The following KIAA0825 variants were observed in gnomAD, a reference collection of about 807,000 sequenced individuals.
KIAA0825 encodes the protein KIAA0825.
KIAA0825 carries 119 observed loss-of-function variants against 147.6 expected under a neutral mutation model. That is an observed-to-expected ratio of 0.81 (90% CI 0.69 to 0.94). The LOEUF (loss-of-function observed/expected upper bound fraction) is 0.94. Ranked by LOEUF, KIAA0825 falls within the 40% of genes least tolerant of loss-of-function variation. KIAA0825 has a pLI of 0.00. For missense variants in KIAA0825, 1,381 were observed against 1,472.7 expected, an observed-to-expected ratio of 0.94 and a Z score of 1.02; for synonymous variants, 470 against 518.1, an observed-to-expected ratio of 0.91 and a Z score of 1.26.
At chr5:94,263,105 G>A (rs1175931585) in intron 20 of KIAA0825, among the ~76,000 whole-genome samples, 1 of 152,024 alleles carries the variant, frequency 6.6e-6, no homozygotes, top group African/African-American at 2.4e-5. Context: ...GGTTTTGTTA[G>A]GTTCTAGACC....
chr5:94,606,924 G>A (rs1032782568), intron 1 of KIAA0825, among the ~76,000 whole-genome samples: 6 of 152,076 alleles, frequency 3.9e-5, no homozygotes, highest in African/African-American at 1.4e-4. Context: ...GAAACAGGAG[G>A]AGGTACCAGT....
intron 5 of KIAA0825, among the ~76,000 whole-genome samples, chr5:94,486,465 A>G (rs1423125395): frequency 6.6e-6 from 1 of 152,086 alleles, no homozygotes; most frequent in Non-Finnish European, 1.5e-5. Flanking sequence ...AAATGTCATG[A>G]TCTCTTTGCA....
chr5:94,395,917 G>A (rs1750592375), intron 17 of KIAA0825, among the ~76,000 whole-genome samples, 184 bp downstream of exon 17: 1 of 151,632 alleles, frequency 6.6e-6, no homozygotes, highest in Non-Finnish European at 1.5e-5. Flanking sequence ...ATTTTAAGAA[G>A]ACAAGAAATG....
chr5:94,538,824 T>A (rs1440965914), intron 2 of KIAA0825, among the ~76,000 whole-genome samples: 1 of 152,182 alleles, frequency 6.6e-6, no homozygotes, highest in Non-Finnish European at 1.5e-5. Context: ...TATCTATCAG[T>A]GGGTATCTCC....
At chr5:94,157,219 C>A (rs372122384) in intron 20 of KIAA0825, among the ~76,000 whole-genome samples, 1 of 152,042 alleles carries the variant, frequency 6.6e-6, no homozygotes, top group Non-Finnish European at 1.5e-5. Context: ...TGGTAGCCTG[C>A]CCTTTTGTAT....
Position 94,151,424 on chromosome 5 carries a change from A to AG in KIAA0825, c.*2582_*2583insC, listed in dbSNP as rs1766482244. 1.0e-5 allele frequency among the ~76,000 whole-genome samples: 1 copy of AG among 100,442 alleles called. No individual in the cohort carries two copies. Among genetic ancestry groups the AG allele is most frequent in the African/African-American group, 4.3e-5 (1 of 23,020 alleles). 65.9% of individuals were successfully genotyped at this position (100,442 alleles called of 152,430 possible). A position where few individuals can be genotyped will look rare whatever the true frequency, so the allele number is the denominator to read the frequency against. On this transcript the variant is annotated 3_prime_UTR_variant, in exon 21 of 21. Transcript: ENST00000682413. ...GGGCGACAGAGCGAGACTCCGTCTC[A>AG]AAAAAAAAAAAAAAAAAAAAAAAAA...
At chr5:94,328,757 GA>G (rs569872057) in intron 20 of KIAA0825, among the ~76,000 whole-genome samples, 34 of 146,526 alleles carry the variant, frequency 2.3e-4, no homozygotes, top group East Asian at 2.2e-3. Flanking sequence ...ATGAGAGCTA[GA>G]AAAAAAAAAC....
At chr5:94,364,443 A>G (rs1745527304) in intron 20 of KIAA0825, among the ~76,000 whole-genome samples, 1 of 151,684 alleles carries the variant, frequency 6.6e-6, no homozygotes, top group Non-Finnish European at 1.5e-5. Flanking sequence ...GTGCAGTGAC[A>G]CGATCTCGGC....
In KIAA0825 at chr5:94,372,291, C is replaced by G. The variant is rs538020297; in HGVS notation, c.3710+12077G>C. Among the ~76,000 whole-genome samples, 25 of 152,362 alleles carry G rather than the reference C, an allele frequency of 1.6e-4. 1 individual carries two copies. In the East Asian group the frequency reaches 4.4e-3, roughly 27 times the overall value. Reference sequence around the variant, plus strand: ...GGATAGTGGCCCTCTTCTCACAGGTCAGCTAGGCAGTGCCCCAGTGGGGGC... The same window carrying G: ...GGATAGTGGCCCTCTTCTCACAGGTGAGCTAGGCAGTGCCCCAGTGGGGGC... On this transcript the variant is annotated intron_variant, in intron 20 of 20. Coordinates refer to ENST00000682413, the MANE Select transcript of KIAA0825 (RefSeq NM_001145678.3).
At chr5:94,221,813 C>T (rs1773689216) in intron 20 of KIAA0825, among the ~76,000 whole-genome samples, 2 of 152,178 alleles carry the variant, frequency 1.3e-5, no homozygotes, top group Admixed American at 1.3e-4. Context: ...TTATCTCCTT[C>T]CCCAAAGAAC....
intron 5 of KIAA0825, among the ~76,000 whole-genome samples, chr5:94,510,894 T>G (rs1325944015): frequency 6.6e-6 from 1 of 152,142 alleles, no homozygotes; most frequent in Admixed American, 6.5e-5. Flanking sequence ...ACAAAGAATT[T>G]TAATAGTTCT....
intron 14 of KIAA0825, among the ~76,000 whole-genome samples, chr5:94,425,453 A>C (rs1402925612): frequency 6.6e-6 from 1 of 152,130 alleles, no homozygotes; most frequent in Non-Finnish European, 1.5e-5. Context: ...AAAATCTCTC[A>C]ACAGGCCAGG....
chr5:94,457,935 C>T (rs1759323528), intron 12 of KIAA0825, among the ~76,000 whole-genome samples: 1 of 152,114 alleles, frequency 6.6e-6, no homozygotes, highest in Admixed American at 6.6e-5. Flanking sequence ...CTGTGCCTGC[C>T]ATGGTGCCTG....
At chr5:94,165,903 A>C (rs1767989005) in intron 20 of KIAA0825, among the ~76,000 whole-genome samples, 1 of 152,214 alleles carries the variant, frequency 6.6e-6, no homozygotes, top group African/African-American at 2.4e-5. Flanking sequence ...TAATGGGTAC[A>C]AAAACTAGTT....
intron 2 of KIAA0825, among the ~76,000 whole-genome samples, chr5:94,575,484 A>C (rs1780842737): frequency 6.6e-6 from 1 of 152,260 alleles, no homozygotes; most frequent in South Asian, 2.1e-4. Flanking sequence ...GTTCAGGCAC[A>C]AACAAGCTTG....
chr5:94,223,298 G>C lies in KIAA0825; in HGVS notation c.3711-69174C>G, dbSNP rs1031570547. 3.3e-5 allele frequency among the ~76,000 whole-genome samples: 5 copies of C among 152,266 alleles called. No individual in the cohort carries two copies. In the East Asian group the frequency reaches 9.6e-4, roughly 29 times the overall value. On this transcript the variant is annotated intron_variant, in intron 20 of 20. Transcript: ENST00000682413. ...GAGACTTATCCAAGTTGCATAGTTA[G>C]TCAGGGACTAACTAGTTATCTGTGG...
chr5:94,222,443 T>C (rs1351128065), intron 20 of KIAA0825, among the ~76,000 whole-genome samples: 1 of 152,218 alleles, frequency 6.6e-6, no homozygotes, highest in African/African-American at 2.4e-5. Flanking sequence ...ACATAGGCTT[T>C]GACTCCATTT....
At chr5:94,416,232 T>C (rs1009671758) in intron 15 of KIAA0825, 2 of 152,196 alleles carry the variant, frequency 1.3e-5, no homozygotes, top group African/African-American at 4.8e-5. Flanking sequence ...AAGTTATCTA[T>C]TGCTAGTTTA....
chr5:94,242,004 T>A (rs1214433760), intron 20 of KIAA0825, among the ~76,000 whole-genome samples: 1 of 152,210 alleles, frequency 6.6e-6, no homozygotes, highest in Admixed American at 6.5e-5. Flanking sequence ...AATAACTCAT[T>A]TATATGGAAA....
Sources: allele counts gnomAD v4.1 joint callset (sites outside exome capture counted in the v4.1 genomes callset), GRCh38; gene constraint gnomAD v4.1.1; transcripts MANE v1.5; gene names NCBI Gene and HGNC (gene_info 2026-07-23, HGNC 2026-07-21).